The following SLC35F1 variants were observed in gnomAD, a reference collection of about 807,000 sequenced individuals.
The protein encoded by SLC35F1 is chromosome 6 open reading frame 169.
In SLC35F1, 14 loss-of-function variants were observed where a neutral mutation model predicts 48.7. The ratio of observed to expected loss-of-function variants is 0.29; its 90% CI spans 0.19 to 0.45. The LOEUF (loss-of-function observed/expected upper bound fraction) is 0.45. SLC35F1 is among the 20% of genes least tolerant of loss of function. The probability of loss-of-function intolerance (pLI) is 1.00; values close to 1 mark genes in which losing one functional copy is unlikely to be tolerated. For missense variants in SLC35F1, 404 were observed against 500.0 expected (o/e 0.81, Z 1.83); for synonymous variants, 190 against 202.2 (o/e 0.94, Z 0.51).
chr6:118,154,404 C>A (rs1774108876), intron 1 of SLC35F1, 41 bp from the exon 2 acceptor site: 1 of 1,557,780 alleles, frequency 6.4e-7, no homozygotes, highest in Non-Finnish European at 8.7e-7. Context: ...TAATGGGCTT[C>A]CTGCTGACCT....
intron 2 of SLC35F1, among the ~76,000 whole-genome samples, chr6:118,220,017 G>T (rs1023475896): frequency 6.6e-6 from 1 of 152,000 alleles, no homozygotes; most frequent in Non-Finnish European, 1.5e-5. Context: ...GGGGCCTGTC[G>T]TGGGGTTGGG....
intron 1 of SLC35F1, among the ~76,000 whole-genome samples, chr6:118,094,706 G>A (rs534433661): frequency 6.6e-6 from 1 of 152,132 alleles, no homozygotes; most frequent in South Asian, 2.1e-4. Flanking sequence ...GGTGGCTCAT[G>A]TCTGTAATCC....
At chr6:118,174,729 A>G (rs1010607790) in intron 2 of SLC35F1, among the ~76,000 whole-genome samples, 1 of 152,142 alleles carries the variant, frequency 6.6e-6, no homozygotes, top group Non-Finnish European at 1.5e-5. Context: ...CTATGCAAAG[A>G]AAATCACATT....
chr6:118,142,778 A>G (rs962048323), intron 1 of SLC35F1, among the ~76,000 whole-genome samples: 1 of 152,186 alleles, frequency 6.6e-6, no homozygotes, highest in Non-Finnish European at 1.5e-5. Context: ...AAGTGCTGAG[A>G]TAAAATTACT....
intron 1 of SLC35F1, among the ~76,000 whole-genome samples, chr6:118,044,746 TCTC>T (rs774858806): frequency 1.2e-4 from 18 of 152,152 alleles, no homozygotes; most frequent in Non-Finnish European, 2.2e-4. Flanking sequence ...AAATCTTCTT[TCTC>T]CTCCTGTCCA....
chr6:118,130,587 T>G (rs1773696041), intron 1 of SLC35F1, among the ~76,000 whole-genome samples: 1 of 152,206 alleles, frequency 6.6e-6, no homozygotes, highest in Non-Finnish European at 1.5e-5. Context: ...AGTAGTTTTT[T>G]GGGTAGAATT....
chr6:117,947,180 A>G (rs1273352021), intron 1 of SLC35F1, among the ~76,000 whole-genome samples: 3 of 152,212 alleles, frequency 2.0e-5, no homozygotes, highest in Admixed American at 6.5e-5. Context: ...AAAGACTGGA[A>G]GGACATGAGG....
intron 4 of SLC35F1, among the ~76,000 whole-genome samples, chr6:118,268,093 G>T (rs973926083): frequency 6.6e-6 from 1 of 152,148 alleles, no homozygotes; most frequent in Non-Finnish European, 1.5e-5. Context: ...CTGAAACAAT[G>T]TCATGTATGT....
chr6:118,297,338 T>C (rs1466261185), intron 7 of SLC35F1, among the ~76,000 whole-genome samples: 1 of 152,136 alleles, frequency 6.6e-6, no homozygotes, highest in Non-Finnish European at 1.5e-5. Flanking sequence ...GGAGGCTGGA[T>C]TTCATCACTA....
At chr6:118,100,630 C>T (rs1562290344) in intron 1 of SLC35F1, among the ~76,000 whole-genome samples, 1 of 152,166 alleles carries the variant, frequency 6.6e-6, no homozygotes, top group Non-Finnish European at 1.5e-5. Flanking sequence ...CGTACATTAC[C>T]CTCCTGGTAT....
chr6:118,144,697 G>A (rs1424909270), intron 1 of SLC35F1, among the ~76,000 whole-genome samples: 2 of 151,204 alleles, frequency 1.3e-5, no homozygotes, highest in African/African-American at 4.9e-5. Flanking sequence ...CTAGTATTAC[G>A]GAAGAAAATA....
At chr6:118,237,843 TGAA>T (rs1775385476) in intron 3 of SLC35F1, among the ~76,000 whole-genome samples, 1 of 152,232 alleles carries the variant, frequency 6.6e-6, no homozygotes, top group Admixed American at 6.5e-5. Context: ...ATAAAATTGG[TGAA>T]TTTACCACAA....
At chr6:118,280,604 G>A (rs975472195) in intron 6 of SLC35F1, among the ~76,000 whole-genome samples, 1 of 152,112 alleles carries the variant, frequency 6.6e-6, no homozygotes, top group African/African-American at 2.4e-5. Flanking sequence ...CTGGCCAGGT[G>A]CAGTGGCTCA....
At chr6:118,200,145 GACAT>G (rs1236195193) in intron 2 of SLC35F1, among the ~76,000 whole-genome samples, 1 of 146,896 alleles carries the variant, frequency 6.8e-6, no homozygotes, top group South Asian at 2.2e-4. Context: ...CAGTACCGCT[GACAT>G]ACATACATAT....
chr6:117,950,840 AG>A (rs1389592341), intron 1 of SLC35F1, among the ~76,000 whole-genome samples: 2 of 152,250 alleles, frequency 1.3e-5, no homozygotes, highest in Non-Finnish European at 1.5e-5. Flanking sequence ...GTTAAGGCAC[AG>A]AAGAAAGCAG....
At chr6:118,102,508 C>T (rs1773272679) in intron 1 of SLC35F1, among the ~76,000 whole-genome samples, 1 of 152,160 alleles carries the variant, frequency 6.6e-6, no homozygotes, top group African/African-American at 2.4e-5. Flanking sequence ...AAACTGGATG[C>T]ATATCTAGCT....
intron 2 of SLC35F1, among the ~76,000 whole-genome samples, chr6:118,200,145 G>GACATACATACATATAT (rs1554235821): frequency 6.8e-6 from 1 of 146,778 alleles, no homozygotes; most frequent in African/African-American, 2.5e-5. Context: ...CAGTACCGCT[G>GACATACATACATATAT]ACATACATAC....
chr6:118,314,474 C>G lies in SLC35F1; in HGVS notation c.*222C>G. ...GAAGGATGCCTAGCTAACGTGTATC[C>G]TGATCACAACTCCCCTGCATTCATT... On this transcript the variant is annotated 3_prime_UTR_variant, in exon 8 of 8. Transcript: ENST00000360388. 1.8e-6 allele frequency: 1 copy of G among 563,568 alleles called. No individual in the cohort carries two copies. The highest frequency in any genetic ancestry group is 1.9e-5 in the African/African-American group (1 of 53,490). 34.9% of individuals were successfully genotyped at this position (563,568 alleles called of 1,614,324 possible). A position where few individuals can be genotyped will look rare whatever the true frequency, so the allele number is the denominator to read the frequency against.
At chr6:118,187,032 C>T (rs142057274) in intron 2 of SLC35F1, among the ~76,000 whole-genome samples, 6 of 152,326 alleles carry the variant, frequency 3.9e-5, no homozygotes, top group South Asian at 2.1e-4. Flanking sequence ...CTCTCTATCT[C>T]ATTCTATCTC....
Sources: gnomAD v4.1 joint callset for allele counts (sites outside exome capture counted in the v4.1 genomes callset) on GRCh38, gnomAD v4.1.1 for gene constraint, MANE v1.5 for transcripts, NCBI Gene and HGNC (gene_info 2026-07-23, HGNC 2026-07-21) for gene names.